ELOVL7: variants seen among roughly 807,000 people sequenced by gnomAD.
ELOVL7 encodes ELOVL fatty acid elongase 7.
Under a neutral mutation model 35.7 loss-of-function variants are expected in ELOVL7, and 27 were observed. That is an observed-to-expected ratio of 0.76 (90% CI 0.56 to 1.04). The LOEUF is 1.04. ELOVL7 is among the 50% of genes least tolerant of loss of function. The probability of loss-of-function intolerance (pLI) is 0.00; values close to 1 mark genes in which losing one functional copy is unlikely to be tolerated. For synonymous variants in ELOVL7, 113 were observed against 114.6 expected (o/e 0.99, Z 0.09); for missense variants, 327 against 340.8 (o/e 0.96, Z 0.32).
chr5:60,826,594 C>T (rs1255615504), intron 1 of ELOVL7, among the ~76,000 whole-genome samples: 2 of 152,178 alleles, frequency 1.3e-5, no homozygotes, highest in Non-Finnish European at 2.9e-5. Context: ...CTGTCTCCTC[C>T]CTATCAGTTT....
intron 1 of ELOVL7, among the ~76,000 whole-genome samples, chr5:60,842,853 A>G (rs1259863861): frequency 6.6e-6 from 1 of 151,874 alleles, no homozygotes; most frequent in Non-Finnish European, 1.5e-5. Context: ...AAGCTTTTAC[A>G]CAAGAACTGA....
chr5:60,831,058 T>C (rs967970347), intron 1 of ELOVL7, among the ~76,000 whole-genome samples: 2 of 152,234 alleles, frequency 1.3e-5, no homozygotes, highest in Non-Finnish European at 2.9e-5. Context: ...TGCAAATAGC[T>C]AATGTTTATT....
chr5:60,825,407 G>A (rs1412882702), intron 1 of ELOVL7, among the ~76,000 whole-genome samples: 2 of 152,058 alleles, frequency 1.3e-5, no homozygotes, highest in African/African-American at 4.8e-5. Context: ...TTATTTTTCT[G>A]CATCGTACTT....
chr5:60,835,387 T>G (rs1469594095), intron 1 of ELOVL7, among the ~76,000 whole-genome samples: 3 of 151,894 alleles, frequency 2.0e-5, no homozygotes, highest in Non-Finnish European at 4.4e-5. Flanking sequence ...AGGATATTTT[T>G]CAAGTTTTTA....
intron 1 of ELOVL7, among the ~76,000 whole-genome samples, chr5:60,816,138 G>A (rs1452243812): frequency 6.6e-6 from 1 of 152,150 alleles, no homozygotes. Flanking sequence ...CCAGCACTTT[G>A]GGAGGCCAAG....
rs76027200 is a variant in ELOVL7, at chr5:60,816,610, T to C, written c.-85-17380A>G. ...ATTTTTGACACAAAGTCAGCACTGG[T>C]TATTTCAACATGTGGCCCTTGGAAA... is the stretch of plus-strand genomic sequence containing the variant. On this transcript the variant is annotated intron_variant, in intron 1 of 8. Transcript: ENST00000508821. Among the ~76,000 whole-genome samples the C allele has an allele frequency of 1.0e-2, 1,523 of 152,332 alleles. 15 individuals are homozygous for C. The highest frequency in any genetic ancestry group is 0.042 in the South Asian group (202 of 4,830).
chr5:60,756,421 G>C (rs557838570), intron 8 of ELOVL7, among the ~76,000 whole-genome samples: 1 of 152,050 alleles, frequency 6.6e-6, no homozygotes, highest in East Asian at 1.9e-4. Context: ...TCACGTATTT[G>C]CAATGAGCAT....
intron 7 of ELOVL7, among the ~76,000 whole-genome samples, chr5:60,763,569 A>G (rs929411141): frequency 6.6e-6 from 1 of 152,238 alleles, no homozygotes; most frequent in Non-Finnish European, 1.5e-5. Context: ...TCACCTATTT[A>G]AAACTGTATA....
intron 7 of ELOVL7, among the ~76,000 whole-genome samples, chr5:60,763,603 T>C (rs1219492284): frequency 1.3e-5 from 2 of 152,174 alleles, no homozygotes; most frequent in African/African-American, 4.8e-5. Flanking sequence ...ATTTCTGGTT[T>C]CTCCAATGCT....
chr5:60,832,307 C>T (rs1389981127), intron 1 of ELOVL7, among the ~76,000 whole-genome samples: 2 of 152,176 alleles, frequency 1.3e-5, no homozygotes, highest in Admixed American at 6.5e-5. Context: ...ATGGCAACTC[C>T]TACTTGCTCT....
intron 1 of ELOVL7, among the ~76,000 whole-genome samples, chr5:60,822,485 C>A (rs1745945328): frequency 6.6e-6 from 1 of 152,116 alleles, no homozygotes; most frequent in Admixed American, 6.6e-5. Flanking sequence ...TTCCATCATC[C>A]CAATGAGAAA....
At chr5:60,840,938 A>G (rs1305914928) in intron 1 of ELOVL7, among the ~76,000 whole-genome samples, 3 of 152,196 alleles carry the variant, frequency 2.0e-5, no homozygotes, top group Non-Finnish European at 4.4e-5. Flanking sequence ...AATACAAACA[A>G]TATGAGTTCT....
intron 1 of ELOVL7, among the ~76,000 whole-genome samples, chr5:60,841,657 C>G (rs546319687): frequency 1.3e-4 from 20 of 152,268 alleles, no homozygotes; most frequent in African/African-American, 4.8e-4. Context: ...CACTGTCGTT[C>G]TATTGCTGAA....
chr5:60,838,316 G>A (rs149555064), intron 1 of ELOVL7, among the ~76,000 whole-genome samples: 54 of 152,110 alleles, frequency 3.6e-4, no homozygotes, highest in African/African-American at 9.9e-4. Flanking sequence ...GCCCTAACTC[G>A]CACTCTTCCT....
intron 7 of ELOVL7, among the ~76,000 whole-genome samples, chr5:60,758,511 A>G (rs181932265): frequency 3.3e-4 from 51 of 152,300 alleles, no homozygotes; most frequent in Non-Finnish European, 4.9e-4. Flanking sequence ...CCCAAAGTAA[A>G]TATCTACTAA....
chr5:60,787,355 C>G lies in ELOVL7; in HGVS notation c.43G>C (p.Asp15His). The change falls in exon 3 of 9, where the codon GAT becomes CAT. Residue 15 changes from aspartate (D) to histidine (H), a missense_variant. Physicochemically the swap from Asp to His is moderately conservative, Grantham distance 81 (BLOSUM62 -1). Coordinates refer to ENST00000508821, the MANE Select transcript of ELOVL7 (RefSeq NM_024930.3). ...DLTSRTVHLYDNWIKDADPRV... is the reference protein window; with the variant it reads ...DLTSRTVHLYHNWIKDADPRV... ...TCACCAGCATCTTTGATCCAATTATCATAAAGATGCACAGTCCTCGATGTA... is the reference window on the plus strand; with the variant it reads ...TCACCAGCATCTTTGATCCAATTATGATAAAGATGCACAGTCCTCGATGTA... The G allele has an allele frequency of 6.2e-7, 1 of 1,604,492 alleles. No individual in the cohort carries two copies. Among genetic ancestry groups the G allele is most frequent in the Non-Finnish European group, 8.5e-7 (1 of 1,176,932 alleles).
intron 3 of ELOVL7, among the ~76,000 whole-genome samples, chr5:60,779,345 TC>T (rs1264425667): frequency 6.6e-6 from 1 of 152,216 alleles, no homozygotes; most frequent in Admixed American, 6.5e-5. Context: ...GTAGAGGCTC[TC>T]CATGAGGGCT....
chr5:60,764,507 T>G (rs1456343653), intron 6 of ELOVL7, among the ~76,000 whole-genome samples, 175 bp from the exon 7 acceptor site: 1 of 152,104 alleles, frequency 6.6e-6, no homozygotes, highest in African/African-American at 2.4e-5. Flanking sequence ...TCAAATCTAA[T>G]TATTATGAAG....
chr5:60,808,422 T>C (rs1579890294), intron 1 of ELOVL7, among the ~76,000 whole-genome samples: 2 of 152,080 alleles, frequency 1.3e-5, no homozygotes, highest in African/African-American at 4.8e-5. Flanking sequence ...ACTCAAAGAA[T>C]AAGAAAAAAT....
Sources: allele counts gnomAD v4.1 joint callset (sites outside exome capture counted in the v4.1 genomes callset), GRCh38; gene constraint gnomAD v4.1.1; transcripts MANE v1.5; gene names NCBI Gene and HGNC (gene_info 2026-07-23, HGNC 2026-07-21).